ATP11A: variants seen among roughly 807,000 people sequenced by gnomAD.
ATP11A encodes ATPase phospholipid transporting 11A.
A neutral mutation model predicts 154.4 loss-of-function variants in ATP11A; 81 were observed. That is an observed-to-expected ratio of 0.52 (90% CI 0.44 to 0.63). The LOEUF is 0.63. Among genes scored for constraint, ATP11A ranks in the 30% least tolerant of loss-of-function variants. ATP11A has a pLI of 0.00. For synonymous variants in ATP11A, 623 were observed against 585.9 expected, an observed-to-expected ratio of 1.06 and a Z score of -0.91; for missense variants, 1,316 against 1,474.3, an observed-to-expected ratio of 0.89 and a Z score of 1.76.
At chr13:112,817,584 C>T (rs1466475917) in intron 6 of ATP11A, among the ~76,000 whole-genome samples, 1 of 152,230 alleles carries the variant, frequency 6.6e-6, no homozygotes, top group Non-Finnish European at 1.5e-5. Flanking sequence ...GAGCCCTTCA[C>T]ACTCTCTGCA....
At chr13:112,820,302 T>G (rs938462083) in intron 8 of ATP11A, among the ~76,000 whole-genome samples, 2 of 152,232 alleles carry the variant, frequency 1.3e-5, no homozygotes, top group African/African-American at 4.8e-5. Context: ...TACTGATTTG[T>G]CTTCAGATAT....
intron 1 of ATP11A, among the ~76,000 whole-genome samples, chr13:112,718,104 G>A (rs868078317): frequency 6.6e-6 from 1 of 152,102 alleles, no homozygotes; most frequent in South Asian, 2.1e-4. Flanking sequence ...ATAAATGATT[G>A]CCACCGCCCC....
At chr13:112,819,261 T>G (rs1473180401) in intron 6 of ATP11A, 43 bp from the exon 7 acceptor site, 8 of 1,577,578 alleles carry the variant, frequency 5.1e-6, no homozygotes, top group Middle Eastern at 1.7e-4. Flanking sequence ...GGGTTTGTGT[T>G]GACCGTTTTG....
At chr13:112,830,681 T>C (rs1392107998) in intron 12 of ATP11A, among the ~76,000 whole-genome samples, 1 of 152,234 alleles carries the variant, frequency 6.6e-6, no homozygotes, top group African/African-American at 2.4e-5. Context: ...ATATCCCTTA[T>C]TCAAAATGCT....
chr13:112,690,471 G>T lies in ATP11A; in HGVS notation c.39+16G>T. ...GCACAGATACGTGAGTGCTCCCGGCGCGGGCTGGGGGACCCGGGGACCAGA... is the reference window on the plus strand; with the variant it reads ...GCACAGATACGTGAGTGCTCCCGGCTCGGGCTGGGGGACCCGGGGACCAGA... On this transcript the variant is annotated intron_variant, in intron 1 of 29. Transcript: ENST00000375645. This position sits in a 1 kb window ranked among gnomAD's most constrained non-coding sequence, Gnocchi z 5.6. 2 of 1,340,982 alleles carry T rather than the reference G, an allele frequency of 1.5e-6. No homozygotes were observed. 83.1% of individuals were successfully genotyped at this position (1,340,982 alleles called of 1,614,324 possible). A position where few individuals can be genotyped will look rare whatever the true frequency, so the allele number is the denominator to read the frequency against.
intron 1 of ATP11A, among the ~76,000 whole-genome samples, chr13:112,718,799 T>C (rs750117397): frequency 7.9e-5 from 12 of 151,958 alleles, no homozygotes; most frequent in Non-Finnish European, 1.5e-4. Context: ...GCTTCCTGAG[T>C]AGCTGGGATT....
At chr13:112,860,990 T>C (rs1279896070) in intron 24 of ATP11A, among the ~76,000 whole-genome samples, 1 of 152,178 alleles carries the variant, frequency 6.6e-6, no homozygotes, top group Non-Finnish European at 1.5e-5. Flanking sequence ...GGGTAATTTA[T>C]GAAGGAAGGA....
intron 1 of ATP11A, among the ~76,000 whole-genome samples, chr13:112,732,183 G>T (rs1278659): frequency 0.24 from 35,824 of 152,002 alleles, 5,510 homozygotes; most frequent in African/African-American, 0.43. Flanking sequence ...GTCTGGAGTC[G>T]GAGGAGCCAC....
At chr13:112,870,585 G>A (rs916749868) in intron 25 of ATP11A, among the ~76,000 whole-genome samples, 1 of 152,156 alleles carries the variant, frequency 6.6e-6, no homozygotes, top group Non-Finnish European at 1.5e-5. Context: ...CACCATGTTG[G>A]CCAGGCTGGT....
intron 1 of ATP11A, chr13:112,747,397 C>T (rs563089723): frequency 7.2e-5 from 11 of 152,400 alleles, no homozygotes; most frequent in African/African-American, 2.4e-4. Flanking sequence ...TAAGGACCTC[C>T]CTCAGCTTGT....
At chr13:112,702,345 C>CA (rs35687422) in intron 1 of ATP11A, among the ~76,000 whole-genome samples, 3,847 of 121,714 alleles carry the variant, frequency 0.032, 210 homozygotes, top group African/African-American at 0.11. Context: ...GATTCTGTCT[C>CA]AAAAAAAAAA....
intron 1 of ATP11A, among the ~76,000 whole-genome samples, chr13:112,719,065 C>T (rs964803193): frequency 5.3e-5 from 8 of 151,964 alleles, no homozygotes; most frequent in African/African-American, 1.4e-4. Context: ...GCTGAAAGTC[C>T]GGCTTATTTG....
intron 1 of ATP11A, among the ~76,000 whole-genome samples, chr13:112,780,234 CAA>C (rs1353887275): frequency 6.6e-6 from 1 of 152,084 alleles, no homozygotes; most frequent in African/African-American, 2.4e-5. Context: ...GGAAAATATT[CAA>C]AGTCGTGCAC....
chr13:112,701,594 AGGCCGAGGC>A (rs2139496543), intron 1 of ATP11A, among the ~76,000 whole-genome samples: 1 of 152,258 alleles, frequency 6.6e-6, no homozygotes, highest in Non-Finnish European at 1.5e-5. Flanking sequence ...GCACTTTGGG[AGGCCGAGGC>A]GGGCGGATCA....
intron 29 of ATP11A, among the ~76,000 whole-genome samples, chr13:112,879,872 G>A (rs2080834553): frequency 6.6e-6 from 1 of 152,220 alleles, no homozygotes; most frequent in Non-Finnish European, 1.5e-5. Flanking sequence ...AGATGTATAT[G>A]TTATATATGT....
At chr13:112,841,166 C>T (rs550872624) in intron 16 of ATP11A, among the ~76,000 whole-genome samples, 9 of 146,798 alleles carry the variant, frequency 6.1e-5, no homozygotes, top group African/African-American at 2.1e-4. Context: ...CTCTGTGTGT[C>T]GGGAGCACCT....
At chr13:112,757,620 G>A (rs2076872087) in intron 1 of ATP11A, among the ~76,000 whole-genome samples, 1 of 152,262 alleles carries the variant, frequency 6.6e-6, no homozygotes, top group Non-Finnish European at 1.5e-5. Flanking sequence ...CCTTTCCCAG[G>A]CTGGCCTCCT....
chr13:112,778,496 G>A (rs1486235909), intron 1 of ATP11A, among the ~76,000 whole-genome samples: 2 of 152,268 alleles, frequency 1.3e-5, no homozygotes, highest in East Asian at 1.9e-4. Flanking sequence ...TGCTTTGGGA[G>A]GCTGCACAGG....
intron 29 of ATP11A, among the ~76,000 whole-genome samples, chr13:112,879,443 TTAATGACTCATAAG>T (rs2080820760): frequency 6.6e-6 from 1 of 152,240 alleles, no homozygotes; most frequent in South Asian, 2.1e-4. Flanking sequence ...TAGGAACATT[TTAATGACTCATAAG>T]AGGTCCTTAA....
Sources: gnomAD v4.1 joint callset for allele counts (sites outside exome capture counted in the v4.1 genomes callset) on GRCh38, gnomAD v4.1.1 for gene constraint, Gnocchi (gnomAD v3.1) non-coding constraint, MANE v1.5 for transcripts, NCBI Gene and HGNC (gene_info 2026-07-23, HGNC 2026-07-21) for gene names.